LRRIQ3: variants seen among roughly 807,000 people sequenced by gnomAD.
LRRIQ3 encodes the protein leucine-rich repeat and IQ domain-containing protein 3.
LRRIQ3 carries 75 observed loss-of-function variants against 59.3 expected under a neutral mutation model. That is an observed-to-expected ratio of 1.26 (90% CI 1.05 to 1.53). LRRIQ3 has a LOEUF of 1.53. Among genes scored for constraint, LRRIQ3 ranks in the 40% most tolerant of loss-of-function variants. The pLI is 0.00. For synonymous variants in LRRIQ3, 250 were observed against 231.3 expected, an observed-to-expected ratio of 1.08 and a Z score of -0.73; for missense variants, 831 against 710.0, an observed-to-expected ratio of 1.17 and a Z score of -1.94.
intron 4 of LRRIQ3, among the ~76,000 whole-genome samples, chr1:74,120,379 G>T (rs905539211): frequency 6.6e-6 from 1 of 151,954 alleles, no homozygotes; most frequent in African/African-American, 2.4e-5. Flanking sequence ...GCCTTCCAAA[G>T]TGCTGAGATT....
intron 7 of LRRIQ3, among the ~76,000 whole-genome samples, chr1:74,027,456 A>T (rs1200027207): frequency 6.6e-6 from 1 of 152,094 alleles, no homozygotes; most frequent in Non-Finnish European, 1.5e-5. Context: ...TAAGAAGAGG[A>T]AGCAAGAGCA....
At chr1:74,125,413 T>C (rs1312696194) in intron 4 of LRRIQ3, among the ~76,000 whole-genome samples, 1 of 151,950 alleles carries the variant, frequency 6.6e-6, no homozygotes, top group African/African-American at 2.4e-5. Context: ...GTGATGAAAG[T>C]GGACATCCTT....
intron 4 of LRRIQ3, among the ~76,000 whole-genome samples, chr1:74,141,777 A>G (rs1310084527): frequency 6.6e-6 from 1 of 151,850 alleles, no homozygotes; most frequent in Non-Finnish European, 1.5e-5. Flanking sequence ...TTGGTAAAAT[A>G]TTGGGCTCAT....
chr1:74,108,810 A>T, intron 5 of LRRIQ3: 5 of 315,052 alleles, frequency 1.6e-5, no homozygotes, highest in South Asian at 1.3e-4. Context: ...CCTATTAATT[A>T]TGTAGCTTTT....
intron 4 of LRRIQ3, among the ~76,000 whole-genome samples, chr1:74,143,959 T>C (rs1647392387): frequency 6.6e-6 from 1 of 151,916 alleles, no homozygotes; most frequent in East Asian, 1.9e-4. Context: ...GTGATAATGC[T>C]ATTTTGAGTA....
intron 3 of LRRIQ3, among the ~76,000 whole-genome samples, chr1:74,159,764 C>G (rs1478459696): frequency 6.6e-6 from 1 of 152,058 alleles, no homozygotes; most frequent in Non-Finnish European, 1.5e-5. Context: ...ACTTCCAATT[C>G]CATTTATTTA....
intron 5 of LRRIQ3, among the ~76,000 whole-genome samples, chr1:74,097,952 T>C (rs1472233346): frequency 6.6e-6 from 1 of 152,166 alleles, no homozygotes. Context: ...TGCAAAAATT[T>C]GCCGAATTGT....
intron 5 of LRRIQ3, among the ~76,000 whole-genome samples, chr1:74,100,676 AC>A (rs1394535399): frequency 6.6e-6 from 1 of 152,222 alleles, no homozygotes; most frequent in Non-Finnish European, 1.5e-5. Context: ...GGCTACAGTA[AC>A]CAAAAACAGC....
At position 74,155,600 on chromosome 1, in the gene LRRIQ3, T is replaced by A. The variant is rs552028939; in HGVS notation, c.707+133A>T. 1.5e-5 allele frequency: 10 copies of A among 645,592 alleles called. No individual in the cohort carries two copies. In the African/African-American group the frequency reaches 1.9e-4, roughly 12 times the overall value. 40.0% of individuals were successfully genotyped at this position (645,592 alleles called of 1,614,324 possible). A position where few individuals can be genotyped will look rare whatever the true frequency, so the allele number is the denominator to read the frequency against. Reference sequence around the variant, plus strand: ...AGAGTCTGTGGTATTTTTCTTAAAGTTAGGTTAAACAGACTATACCATTTT... The same window carrying A: ...AGAGTCTGTGGTATTTTTCTTAAAGATAGGTTAAACAGACTATACCATTTT... On this transcript the variant is annotated intron_variant, in intron 4 of 7. Coordinates refer to ENST00000354431, the MANE Select transcript of LRRIQ3 (RefSeq NM_001105659.2).
At chr1:74,097,573 C>T (rs900836140) in intron 5 of LRRIQ3, among the ~76,000 whole-genome samples, 4 of 151,976 alleles carry the variant, frequency 2.6e-5, no homozygotes, top group Admixed American at 6.6e-5. Flanking sequence ...AGATACTCCT[C>T]GAGAAGAGCA....
At chr1:74,134,339 T>C (rs919465929) in intron 4 of LRRIQ3, among the ~76,000 whole-genome samples, 7 of 152,014 alleles carry the variant, frequency 4.6e-5, no homozygotes, top group Non-Finnish European at 8.8e-5. Context: ...CTGCTACCAA[T>C]AGCCCCCCAT....
chr1:74,128,794 G>T (rs919008389), intron 4 of LRRIQ3, among the ~76,000 whole-genome samples: 1 of 152,024 alleles, frequency 6.6e-6, no homozygotes, highest in South Asian at 2.1e-4. Flanking sequence ...CTAAGTTTTT[G>T]ATCTCTGTAG....
At chr1:74,192,705 A>C (rs1650844448) in intron 1 of LRRIQ3, among the ~76,000 whole-genome samples, 1 of 152,146 alleles carries the variant, frequency 6.6e-6, no homozygotes, top group African/African-American at 2.4e-5. Context: ...AAAACAGAAC[A>C]TAATAATACT....
chr1:74,105,551 C>G (rs1389227716), intron 5 of LRRIQ3, among the ~76,000 whole-genome samples: 1 of 151,730 alleles, frequency 6.6e-6, no homozygotes, highest in Non-Finnish European at 1.5e-5. Context: ...CCATGGCTGG[C>G]CTATGTGGTA....
At chr1:74,103,794 C>G (rs745336637) in intron 5 of LRRIQ3, among the ~76,000 whole-genome samples, 1 of 150,978 alleles carries the variant, frequency 6.6e-6, no homozygotes, top group Non-Finnish European at 1.5e-5. Flanking sequence ...CCTTCCCCCC[C>G]CCGCCATATT....
At chr1:74,084,174 C>G in intron 5 of LRRIQ3, 2 of 1,547,114 alleles carry the variant, frequency 1.3e-6, no homozygotes, top group Non-Finnish European at 1.7e-6. Flanking sequence ...ATACACACAT[C>G]CAGCCCACTT....
At chr1:74,101,389 C>T (rs1646530832) in intron 5 of LRRIQ3, among the ~76,000 whole-genome samples, 1 of 152,104 alleles carries the variant, frequency 6.6e-6, no homozygotes, top group Non-Finnish European at 1.5e-5. Flanking sequence ...GAATGGCCAT[C>T]ATTAAAAAGT....
intron 3 of LRRIQ3, among the ~76,000 whole-genome samples, chr1:74,160,046 A>T (rs1422794284): frequency 6.6e-6 from 1 of 152,102 alleles, no homozygotes; most frequent in Non-Finnish European, 1.5e-5. Context: ...AAAATTACAG[A>T]ATACAGGATG....
At chr1:74,047,567 T>C (rs140980935) in intron 6 of LRRIQ3, among the ~76,000 whole-genome samples, 1,824 of 152,038 alleles carry the variant, frequency 0.012, 30 homozygotes, top group African/African-American at 0.042. Context: ...GTTCTGCACA[T>C]GTACCCCAGA....
Sources: allele counts gnomAD v4.1 joint callset (sites outside exome capture counted in the v4.1 genomes callset), GRCh38; gene constraint gnomAD v4.1.1; transcripts MANE v1.5; gene names NCBI Gene and HGNC (gene_info 2026-07-23, HGNC 2026-07-21).